Variants in BCL11B observed in about 807,000 individuals in gnomAD.
BCL11B encodes B-cell lymphoma/leukemia 11B.
BCL11B carries 8 observed loss-of-function variants against 49.9 expected under a neutral mutation model. The observed-to-expected ratio is 0.16, with a 90% CI of 0.09 to 0.29. The LOEUF (loss-of-function observed/expected upper bound fraction) is 0.29. Ranked by LOEUF, BCL11B falls within the 10% of genes least tolerant of loss-of-function variation. BCL11B has a pLI of 1.00. For missense variants in BCL11B, 1,006 were observed against 1,351.0 expected, an observed-to-expected ratio of 0.74 and a Z score of 4.00; for synonymous variants, 739 against 637.4, an observed-to-expected ratio of 1.16 and a Z score of -2.40.
At position 99,253,287 on chromosome 14, in the gene BCL11B, T is replaced by C. The variant is rs192465261; in HGVS notation, c.427+4184A>G. Among the ~76,000 whole-genome samples the C allele has an allele frequency of 4.4e-4, 67 of 152,272 alleles. 1 individual carries two copies. The highest frequency in any genetic ancestry group is 1.4e-3 in the African/African-American group (60 of 41,574). On this transcript the variant is annotated intron_variant, in intron 2 of 3. Coordinates refer to ENST00000357195, the MANE Select transcript of BCL11B (RefSeq NM_138576.4). Reference sequence around the variant, plus strand: ...AAGAGATCCTCAAGGGACAGTCACCTAACAAAAGGCAGAATGGACGGGAGA... The same window carrying C: ...AAGAGATCCTCAAGGGACAGTCACCCAACAAAAGGCAGAATGGACGGGAGA...
In BCL11B at chr14:99,264,293, C is replaced by CA. The variant is rs1267357112; in HGVS notation, c.59-6455_59-6454insT. 12 of 148,804 alleles carry CA rather than the reference C, an allele frequency of 8.1e-5. No individual in the cohort carries two copies. The South Asian group carries it at 2.1e-3, about 26-fold the overall frequency. The allele number at this position is 148,804 out of a possible 1,614,324, so 9.2% of individuals were successfully genotyped here. A position where few individuals can be genotyped will look rare whatever the true frequency, so the allele number is the denominator to read the frequency against. On this transcript the variant is annotated intron_variant, in intron 1 of 3. Transcript: ENST00000357195. Reference sequence around the variant, plus strand: ...AGGAATTTAAACATGACACCGCCCCCCCCCTTTTTTTTAATTCTTAGCAGT... The same window carrying CA: ...AGGAATTTAAACATGACACCGCCCCCACCCCTTTTTTTTAATTCTTAGCAGT...
chr14:99,190,510 A>T (rs1262270904), intron 3 of BCL11B, among the ~76,000 whole-genome samples: 1 of 152,108 alleles, frequency 6.6e-6, no homozygotes, highest in African/African-American at 2.4e-5. Context: ...ATAAATACTA[A>T]TTTTTTTAAA....
In BCL11B at chr14:99,202,806, G is replaced by T. The variant is rs79191993; in HGVS notation, c.641-26611C>A. Among the ~76,000 whole-genome samples, 518 of 152,286 alleles carry T rather than the reference G, an allele frequency of 3.4e-3. 21 individuals carry two copies. In the East Asian group the frequency reaches 0.086, roughly 25 times the overall value. ...CCTGGAGCCGGTAGAACAAGCCTGGGGTCTCATGCAGCGCTGCCCCTGCTG... is the reference window on the plus strand; with the variant it reads ...CCTGGAGCCGGTAGAACAAGCCTGGTGTCTCATGCAGCGCTGCCCCTGCTG... On this transcript the variant is annotated intron_variant, in intron 3 of 3. Coordinates refer to ENST00000357195, the MANE Select transcript of BCL11B (RefSeq NM_138576.4).
Position 99,232,957 on chromosome 14 carries a change from A to C in BCL11B, c.428-1400T>G, listed in dbSNP as rs531493472. Reference sequence around the variant, plus strand: ...AAAGCTAACACCAACACTGCTCGGAACCCCCTGAACCAACAAAGACCTCAT... The same window carrying C: ...AAAGCTAACACCAACACTGCTCGGACCCCCCTGAACCAACAAAGACCTCAT... On this transcript the variant is annotated intron_variant, in intron 2 of 3. Transcript: ENST00000357195. This position sits in a 1 kb window ranked among gnomAD's most constrained non-coding sequence, Gnocchi z 5.1. Among the ~76,000 whole-genome samples the C allele has an allele frequency of 3.3e-4, 50 of 152,126 alleles. No individual in the cohort carries two copies. The highest frequency in any genetic ancestry group is 2.5e-3 in the East Asian group (13 of 5,174).
In BCL11B at chr14:99,171,059, C is replaced by T. The variant is rs1173990906; in HGVS notation, c.*3092G>A. Reference sequence around the variant, plus strand: ...GATGGCCTCTTAGAGAAAGGGAGGACGATGTGGAATGTTACTGACATCTTT... The same window carrying T: ...GATGGCCTCTTAGAGAAAGGGAGGATGATGTGGAATGTTACTGACATCTTT... On this transcript the variant is annotated 3_prime_UTR_variant, in exon 4 of 4. Coordinates refer to ENST00000357195, the MANE Select transcript of BCL11B (RefSeq NM_138576.4). The T allele has an allele frequency of 4.8e-5, 11 of 230,398 alleles. No homozygotes were observed. The highest frequency in any genetic ancestry group is 4.0e-4 in the Admixed American group (7 of 17,676). 14.3% of individuals were successfully genotyped at this position (230,398 alleles called of 1,614,324 possible).
rs979942187 is a variant in BCL11B, at chr14:99,257,072, G to A, written c.427+399C>T. 7.9e-5 allele frequency among the ~76,000 whole-genome samples: 12 copies of A among 152,208 alleles called. No homozygotes were observed. Among genetic ancestry groups the A allele is most frequent in the Admixed American group, 6.5e-4 (10 of 15,292 alleles). The stretch of plus-strand genomic sequence containing the variant: ...TTTCCTTAGCTCCATTTCACAGATG[G>A]GCAAACTAACATGTCCAAGTTGTGA... On this transcript the variant is annotated intron_variant, in intron 2 of 3. Coordinates refer to ENST00000357195, the MANE Select transcript of BCL11B (RefSeq NM_138576.4). The surrounding 1 kb of genome is among the most constrained non-coding windows in gnomAD (Gnocchi z 6.2).
chr14:99,181,983 A>T (rs762773338), intron 3 of BCL11B, among the ~76,000 whole-genome samples: 1 of 151,276 alleles, frequency 6.6e-6, no homozygotes, highest in Non-Finnish European at 1.5e-5. Flanking sequence ...TTCATTTAAA[A>T]ACTATCCTCT....
rs1302652096 is a variant in BCL11B, at chr14:99,194,040, A to G, written c.641-17845T>C. Among the ~76,000 whole-genome samples the G allele has an allele frequency of 1.3e-5, 2 of 152,166 alleles. No individual in the cohort carries two copies. The highest frequency in any genetic ancestry group is 4.8e-5 in the African/African-American group (2 of 41,440). The stretch of plus-strand genomic sequence containing the variant: ...TGGGGGTTTCAATGGTTTCTGCCAG[A>G]CAATATGGGCCCAAAGCAAATGGCA... On this transcript the variant is annotated intron_variant, in intron 3 of 3. Coordinates refer to ENST00000357195, the MANE Select transcript of BCL11B (RefSeq NM_138576.4). This position sits in a 1 kb window ranked among gnomAD's most constrained non-coding sequence, Gnocchi z 4.6.
chr14:99,182,965 C>CAG (rs1886750815), intron 3 of BCL11B, among the ~76,000 whole-genome samples: 4 of 152,204 alleles, frequency 2.6e-5, no homozygotes, highest in African/African-American at 9.6e-5. Flanking sequence ...TTGTCTACAT[C>CAG]TGACTTTCAT....
At chr14:99,219,813 T>TAA (rs201611669) in intron 3 of BCL11B, among the ~76,000 whole-genome samples, 16,772 of 144,798 alleles carry the variant, frequency 0.12, 1,423 homozygotes, top group African/African-American at 0.24. Flanking sequence ...AAATAAAAAT[T>TAA]AAAAAAAAAA....
chr14:99,175,226 TC>T lies in BCL11B; in HGVS notation c.1609del (p.Glu537ArgfsTer26). The T allele has an allele frequency of 6.5e-7, 1 of 1,548,664 alleles. No individual in the cohort carries two copies. The highest frequency in any genetic ancestry group is 1.9e-5 in the Admixed American group (1 of 51,816). The part of the protein sequence containing the change: ...GHEPEEEDEE[E>X]EEEEEELLLE... The stretch of plus-strand genomic sequence containing the variant: ...TAGCAGCTCCTCCTCCTCCTCCTCC[TC>T]CTCCTCGTCCTCCTCCTCCGGCTCG... On this transcript the variant is annotated frameshift_variant, in exon 4 of 4. Coordinates refer to ENST00000357195, the MANE Select transcript of BCL11B (RefSeq NM_138576.4). LOFTEE classifies it high-confidence loss of function.
chr14:99,178,607 C>A, intron 3 of BCL11B, among the ~76,000 whole-genome samples: 1 of 152,222 alleles, frequency 6.6e-6, no homozygotes, highest in Non-Finnish European at 1.5e-5. Context: ...TTAGCTCAGA[C>A]AGCCTCATAG....
At position 99,262,001 on chromosome 14, in the gene BCL11B, G is replaced by A. The variant is rs1889350685; in HGVS notation, c.59-4162C>T. 6.6e-6 allele frequency among the ~76,000 whole-genome samples: 1 copy of A among 152,192 alleles called. No homozygotes were observed. Among genetic ancestry groups the A allele is most frequent in the Non-Finnish European group, 1.5e-5 (1 of 68,038 alleles). On this transcript the variant is annotated intron_variant, in intron 1 of 3. Transcript: ENST00000357195. This position sits in a 1 kb window ranked among gnomAD's most constrained non-coding sequence, Gnocchi z 4.2. Reference sequence around the variant, plus strand: ...TTTAGAAGCAATCACAAATAATAATGGACATCGTTGTTAAGTGAAAGGGGA... The same window carrying A: ...TTTAGAAGCAATCACAAATAATAATAGACATCGTTGTTAAGTGAAAGGGGA...
In BCL11B at chr14:99,174,595, G is replaced by A. The variant is rs1886406088; in HGVS notation, c.2241C>T (p.Asn747=). ...GCGGCGTGGAGAAGCGCAGGCTGCC[G>A]TTCTCGGACGAGTGCTCGGACGACG... is the stretch of plus-strand genomic sequence containing the variant. ...FATSSEHSSE[N]GSLRFSTPPG... is the part of the protein sequence containing the mutation. The change falls in exon 4 of 4, where the codon AAC becomes AAT. Residue 747 remains asparagine (N), a synonymous_variant. Coordinates refer to ENST00000357195, the MANE Select transcript of BCL11B (RefSeq NM_138576.4). The A allele has an allele frequency of 1.3e-6, 2 of 1,531,680 alleles. No homozygotes were observed. Among genetic ancestry groups the A allele is most frequent in the South Asian group, 1.2e-5 (1 of 83,086 alleles). The allele number at this position is 1,531,680 out of a possible 1,614,324, so 94.9% of individuals were successfully genotyped here.
At chr14:99,214,399 T>A (rs185797780) in intron 3 of BCL11B, among the ~76,000 whole-genome samples, 10 of 151,786 alleles carry the variant, frequency 6.6e-5, no homozygotes, top group Admixed American at 3.3e-4. Context: ...CTACAAAAAA[T>A]TTTAAAAAAT....
rs1488932011 is a variant in BCL11B at position 99,248,962 on chromosome 14, C to G, written c.427+8509G>C. Among the ~76,000 whole-genome samples, 2 of 152,198 alleles carry G rather than the reference C, an allele frequency of 1.3e-5. No homozygotes were observed. The highest frequency in any genetic ancestry group is 4.8e-5 in the African/African-American group (2 of 41,438). ...AGTCCACTGTGCCTGCCTCTCCCCA[C>G]TCTGGACTCAACAGGGCCACTTGCC... On this transcript the variant is annotated intron_variant, in intron 2 of 3. Transcript: ENST00000357195. This position sits in a 1 kb window ranked among gnomAD's most constrained non-coding sequence, Gnocchi z 4.7.
At chr14:99,179,049 C>A (rs1245713767) in intron 3 of BCL11B, among the ~76,000 whole-genome samples, 1 of 152,194 alleles carries the variant, frequency 6.6e-6, no homozygotes, top group Non-Finnish European at 1.5e-5. Flanking sequence ...TTACGCAGGC[C>A]AGCAGTGAAG....
At chr14:99,270,266 G>A (rs1019536071) in intron 1 of BCL11B, among the ~76,000 whole-genome samples, 3 of 151,900 alleles carry the variant, frequency 2.0e-5, no homozygotes, top group Admixed American at 1.3e-4. Flanking sequence ...AAGATACTGA[G>A]ATAGAAAGAT....
chr14:99,261,805 G>A (rs531985549), intron 1 of BCL11B, among the ~76,000 whole-genome samples: 2 of 152,302 alleles, frequency 1.3e-5, no homozygotes, highest in Non-Finnish European at 2.9e-5. Context: ...CAACTTGTTC[G>A]AAAGGCAGAT....
Sources: gnomAD v4.1 joint callset for allele counts (sites outside exome capture counted in the v4.1 genomes callset) on GRCh38, gnomAD v4.1.1 for gene constraint, Gnocchi (gnomAD v3.1) non-coding constraint, MANE v1.5 for transcripts, NCBI Gene and HGNC (gene_info 2026-07-23, HGNC 2026-07-21) for gene names.